The following ADAM12 variants were observed in gnomAD, a reference collection of about 807,000 sequenced individuals.
ADAM12 encodes the protein disintegrin and metalloproteinase domain-containing protein 12.
In ADAM12, 70 loss-of-function variants were observed where a neutral mutation model predicts 106.4. The observed-to-expected ratio is 0.66, with a 90% CI of 0.54 to 0.80. The LOEUF (loss-of-function observed/expected upper bound fraction) is 0.80, where lower values mean the gene tolerates loss of function less well. Among genes scored for constraint, ADAM12 ranks in the 30% least tolerant of loss-of-function variants. ADAM12 has a pLI of 0.00. For synonymous variants in ADAM12, 420 were observed against 433.5 expected (o/e 0.97, Z 0.39); for missense variants, 1,010 against 1,171.9 (o/e 0.86, Z 2.02).
At chr10:126,071,709 G>A in intron 11 of ADAM12, 55 bp from the exon 12 acceptor site, 1 of 1,589,774 alleles carries the variant, frequency 6.3e-7, no homozygotes, top group Non-Finnish European at 8.6e-7. Context: ...GGCTTTGTCT[G>A]CCCTTCTTGT....
intron 2 of ADAM12, among the ~76,000 whole-genome samples, chr10:126,300,865 T>C (rs1565200235): frequency 1.3e-5 from 2 of 152,212 alleles, no homozygotes; most frequent in Admixed American, 6.5e-5. Context: ...TAGTATATCA[T>C]GATGAGAAAG....
intron 21 of ADAM12, among the ~76,000 whole-genome samples, chr10:126,027,478 A>G (rs576087656): frequency 1.3e-5 from 2 of 152,300 alleles, no homozygotes; most frequent in East Asian, 3.9e-4. Flanking sequence ...AACAAAATAC[A>G]GGCAAACAGA....
intron 18 of ADAM12, among the ~76,000 whole-genome samples, chr10:126,040,197 T>C (rs1247042895): frequency 2.0e-5 from 3 of 152,250 alleles, no homozygotes; most frequent in Non-Finnish European, 2.9e-5. Context: ...GGTCAGCGGC[T>C]GTCTGGGAAG....
chr10:126,346,197 G>A (rs575848819), intron 1 of ADAM12, among the ~76,000 whole-genome samples: 1,531 of 152,094 alleles, frequency 0.01, 23 homozygotes, highest in African/African-American at 0.034. Context: ...CTTTGAATGT[G>A]TCCCAGAGAT....
chr10:126,170,675 A>C (rs1957104573), intron 3 of ADAM12, among the ~76,000 whole-genome samples: 1 of 152,152 alleles, frequency 6.6e-6, no homozygotes, highest in Non-Finnish European at 1.5e-5. Context: ...TAAAATATAA[A>C]ATTGTAAAAT....
At chr10:126,121,122 G>C (rs1303222807) in intron 5 of ADAM12, among the ~76,000 whole-genome samples, 12 of 29,598 alleles carry the variant, frequency 4.1e-4, no homozygotes, top group African/African-American at 1.1e-3. Context: ...TATATATATA[G>C]TATATATACT....
chr10:126,066,857 C>A lies in ADAM12; in HGVS notation c.1324-51G>T. On this transcript the variant is annotated intron_variant, in intron 12 of 22. Transcript: ENST00000448723. This position sits in a 1 kb window ranked among gnomAD's most constrained non-coding sequence, Gnocchi z 5.1. Reference sequence around the variant, plus strand: ...GACAGGGTCTTATGGAGTATGCACTCACTGAATGCAAACATCACACCTTAA... The same window carrying A: ...GACAGGGTCTTATGGAGTATGCACTAACTGAATGCAAACATCACACCTTAA... 1 of 1,541,848 alleles carries A rather than the reference C, an allele frequency of 6.5e-7. No individual in the cohort carries two copies. The highest frequency in any genetic ancestry group is 1.1e-5 in the South Asian group (1 of 88,516).
At chr10:126,034,925 A>AGT (rs1954031904) in intron 21 of ADAM12, among the ~76,000 whole-genome samples, 1 of 152,206 alleles carries the variant, frequency 6.6e-6, no homozygotes, top group Non-Finnish European at 1.5e-5. Flanking sequence ...ACATAATGAT[A>AGT]AAAGGGTCAC....
intron 3 of ADAM12, among the ~76,000 whole-genome samples, chr10:126,171,180 C>T (rs189390230): frequency 2.3e-4 from 35 of 152,250 alleles, no homozygotes; most frequent in African/African-American, 7.2e-4. Flanking sequence ...TTTCCATAAG[C>T]GCTTAAATAG....
chr10:126,315,834 A>G (rs761090439), intron 2 of ADAM12, among the ~76,000 whole-genome samples: 2 of 152,164 alleles, frequency 1.3e-5, no homozygotes. Flanking sequence ...GCAAATGCCC[A>G]CTCTCAATGC....
intron 20 of ADAM12, among the ~76,000 whole-genome samples, chr10:126,036,530 C>T (rs1954063852): frequency 6.6e-6 from 1 of 152,128 alleles, no homozygotes; most frequent in Admixed American, 6.6e-5. Context: ...CCTGCCTCCA[C>T]CCCACCAAAT....
At chr10:126,228,670 T>C (rs1958247695) in intron 3 of ADAM12, among the ~76,000 whole-genome samples, 1 of 152,200 alleles carries the variant, frequency 6.6e-6, no homozygotes, top group South Asian at 2.1e-4. Context: ...CACATTTTTG[T>C]CCTTCCTCCT....
chr10:126,227,265 A>G (rs1234734415), intron 3 of ADAM12, among the ~76,000 whole-genome samples: 1 of 152,120 alleles, frequency 6.6e-6, no homozygotes, highest in African/African-American at 2.4e-5. Context: ...CATCGCCATC[A>G]TTACCATCAT....
intron 3 of ADAM12, among the ~76,000 whole-genome samples, chr10:126,188,826 A>T (rs967059251): frequency 2.6e-5 from 4 of 152,014 alleles, no homozygotes; most frequent in Non-Finnish European, 4.4e-5. Context: ...GCCATTTATC[A>T]TCCATCCATC....
intron 4 of ADAM12, among the ~76,000 whole-genome samples, chr10:126,154,741 C>T (rs1212874050): frequency 6.6e-6 from 1 of 152,174 alleles, no homozygotes; most frequent in Non-Finnish European, 1.5e-5. Flanking sequence ...ACCAGAAACA[C>T]TGCCTGAGAG....
At position 126,348,716 on chromosome 10, in the gene ADAM12, GTTCT is replaced by G. The variant is rs1855242789; in HGVS notation, c.89-18211_89-18208del. On this transcript the variant is annotated intron_variant, in intron 1 of 22. Transcript: ENST00000448723. ...CACAGAGCCTTCATCACTGAGGAAT[GTTCT>G]TTGACAGTCACTGTTTATGAGAGCG... 2.6e-5 allele frequency among the ~76,000 whole-genome samples: 4 copies of G among 152,196 alleles called. No individual in the cohort carries two copies. The South Asian group carries it at 6.2e-4, about 24-fold the overall frequency.
intron 4 of ADAM12, among the ~76,000 whole-genome samples, chr10:126,153,003 A>G (rs920727689): frequency 2.0e-5 from 3 of 152,110 alleles, no homozygotes; most frequent in Non-Finnish European, 4.4e-5. Context: ...ATTTATTCAC[A>G]TGCATTATTT....
intron 1 of ADAM12, among the ~76,000 whole-genome samples, chr10:126,363,712 G>A (rs553863495): frequency 5.3e-5 from 8 of 152,262 alleles, no homozygotes; most frequent in African/African-American, 1.7e-4. Context: ...AGAAGGGCCT[G>A]GTCACTCTAT....
chr10:126,143,723 CAT>C (rs1175700809), intron 4 of ADAM12, among the ~76,000 whole-genome samples: 1 of 151,626 alleles, frequency 6.6e-6, no homozygotes, highest in African/African-American at 2.4e-5. Context: ...TGTGGGTATG[CAT>C]GTGTATATGC....
Sources: gnomAD v4.1 joint callset for allele counts (sites outside exome capture counted in the v4.1 genomes callset) on GRCh38, gnomAD v4.1.1 for gene constraint, Gnocchi (gnomAD v3.1) non-coding constraint, MANE v1.5 for transcripts, NCBI Gene and HGNC (gene_info 2026-07-23, HGNC 2026-07-21) for gene names.